The following WNK4 variants were observed in gnomAD, a reference collection of about 807,000 sequenced individuals.
WNK4 encodes the protein WNK lysine deficient protein kinase 4, also known as serine/threonine-protein kinase WNK4.
In WNK4, 94 loss-of-function variants were observed where a neutral mutation model predicts 116.2. The observed-to-expected ratio is 0.81, with a 90% confidence interval of 0.68 to 0.96. WNK4 has a LOEUF of 0.96. WNK4 is among the 40% of genes least tolerant of loss of function. WNK4 has a pLI of 0.00. For synonymous variants in WNK4, 655 were observed against 672.7 expected (o/e 0.97, Z 0.41); for missense variants, 1,542 against 1,650.6 (o/e 0.93, Z 1.14).
Position 42,784,590 on chromosome 17 carries a change from T to C in WNK4, c.1170+11T>C. The C allele has an allele frequency of 6.2e-7, 1 of 1,614,066 alleles. No homozygotes were observed. Among genetic ancestry groups the C allele is most frequent in the Non-Finnish European group, 8.5e-7 (1 of 1,180,018 alleles). On this transcript the variant is annotated intron_variant, in intron 4 of 18. Coordinates refer to ENST00000246914, the MANE Select transcript of WNK4 (RefSeq NM_032387.5). This position sits in a 1 kb window ranked among gnomAD's most constrained non-coding sequence, Gnocchi z 4.4. The stretch of plus-strand genomic sequence containing the variant: ...CGCAAGGTCACTTCGGTGAGAGGGA[T>C]GGGGCTGGCGGGAAAGGCAATTCCA...
At chr17:42,783,688 C>T (rs1351903332) in intron 2 of WNK4, 1 of 578,302 alleles carries the variant, frequency 1.7e-6, no homozygotes, top group South Asian at 2.1e-5. Context: ...CCTTCCTGCG[C>T]TCCCACAGCA....
Position 42,782,612 on chromosome 17 carries a change from G to A in WNK4, c.619-146G>A. 4.3e-6 allele frequency: 4 copies of A among 928,642 alleles called. No individual in the cohort carries two copies. The South Asian group carries it at 5.9e-5, about 14-fold the overall frequency. 57.5% of individuals were successfully genotyped at this position (928,642 alleles called of 1,614,324 possible). On this transcript the variant is annotated intron_variant, in intron 1 of 18. Coordinates refer to ENST00000246914, the MANE Select transcript of WNK4 (RefSeq NM_032387.5). This position sits in a 1 kb window ranked among gnomAD's most constrained non-coding sequence, Gnocchi z 4.2. Reference sequence around the variant, plus strand: ...GGGACTGTTGGAGAGTTCAGGGTCTGCAGCCCACTGGGCAAGTAATCCCAT... The same window carrying A: ...GGGACTGTTGGAGAGTTCAGGGTCTACAGCCCACTGGGCAAGTAATCCCAT...
In WNK4 at chr17:42,782,398, G is replaced by A. The variant is rs61754344; in HGVS notation, c.619-360G>A. Among the ~76,000 whole-genome samples the A allele has an allele frequency of 6.6e-6, 1 of 152,198 alleles. No homozygotes were observed. The highest frequency in any genetic ancestry group is 6.5e-5 in the Admixed American group (1 of 15,280). On this transcript the variant is annotated intron_variant, in intron 1 of 18. Coordinates refer to ENST00000246914, the MANE Select transcript of WNK4 (RefSeq NM_032387.5). The surrounding 1 kb of genome is among the most constrained non-coding windows in gnomAD (Gnocchi z 4.2). ...CCCTGCCCGCAGTATCCTGCTGCCC[G>A]CCTGCTGCCTGCTCACTGCCAGCCC...
chr17:42,795,721 G>A lies in WNK4; in HGVS notation c.3119G>A (p.Gly1040Asp), dbSNP rs915460681. 10 of 1,613,392 alleles carry A rather than the reference G, an allele frequency of 6.2e-6. No individual in the cohort carries two copies. The highest frequency in any genetic ancestry group is 8.5e-6 in the Non-Finnish European group (10 of 1,180,040). Reference protein sequence around the residue: ...PLQPTSPTLSGSPKPSTPQLT... With the variant: ...PLQPTSPTLSDSPKPSTPQLT... ...CAGCCAACATCCCCCACTCTCTCTG[G>A]TTCTCCAAAACCTTCAACCCCTCAG... The change falls in exon 16 of 19, where the codon GGT becomes GAT. Residue 1040 changes from glycine to aspartate, a missense_variant. By Grantham distance (94) the Gly-to-Asp change is moderately conservative (BLOSUM62 -1). Coordinates refer to ENST00000246914, the MANE Select transcript of WNK4 (RefSeq NM_032387.5).
At position 42,796,317 on chromosome 17, in the gene WNK4, G is replaced by A. The variant is rs1476574493; in HGVS notation, c.3626G>A (p.Gly1209Asp). Reference protein sequence around the residue: ...RNSLQRSEPPGPGIMRRNSLS... With the variant: ...RNSLQRSEPPDPGIMRRNSLS... ...AGCCTACAGCGCTCTGAGCCCCCAGGCCCTGGTGAGACTGCAGTCACCCAG... is the reference window on the plus strand; with the variant it reads ...AGCCTACAGCGCTCTGAGCCCCCAGACCCTGGTGAGACTGCAGTCACCCAG... The change falls in exon 17 of 19, where the codon GGC becomes GAC. Residue 1209 changes from glycine to aspartate, a missense_variant. This residue lies in a region of WNK4 where 148 missense variants were observed against 157.2 expected (regional missense o/e 0.94). Coordinates refer to ENST00000246914, the MANE Select transcript of WNK4 (RefSeq NM_032387.5). The A allele has an allele frequency of 6.2e-7, 1 of 1,611,980 alleles. No homozygotes were observed. The highest frequency in any genetic ancestry group is 1.1e-5 in the South Asian group (1 of 90,832).
chr17:42,796,978 T>G lies in WNK4; in HGVS notation c.*290T>G, dbSNP rs2054684562. 3 of 564,550 alleles carry G rather than the reference T, an allele frequency of 5.3e-6. No individual in the cohort carries two copies. Among genetic ancestry groups the G allele is most frequent in the Middle Eastern group, 4.9e-4 (1 of 2,044 alleles). 35.0% of individuals were successfully genotyped at this position (564,550 alleles called of 1,614,324 possible). A position where few individuals can be genotyped will look rare whatever the true frequency, so the allele number is the denominator to read the frequency against. On this transcript the variant is annotated 3_prime_UTR_variant, in exon 19 of 19. Coordinates refer to ENST00000246914, the MANE Select transcript of WNK4 (RefSeq NM_032387.5). The stretch of plus-strand genomic sequence containing the variant: ...GCAATCCCACCCAAGCCTGGATGCT[T>G]CTAGAGGGGCCCACTCCCAGCTGGG...
chr17:42,791,576 T>TTCAAGTA (rs1568031419), intron 11 of WNK4, among the ~76,000 whole-genome samples: 1 of 151,138 alleles, frequency 6.6e-6, no homozygotes, highest in East Asian at 1.9e-4. Context: ...GAGGTGGAGG[T>TTCAAGTA]TGCGGTGAGC....
intron 8 of WNK4, 83 bp downstream of exon 8, chr17:42,787,982 C>T: frequency 1.3e-6 from 2 of 1,599,138 alleles, no homozygotes; most frequent in Admixed American, 1.7e-5. Context: ...ATCTCATGAT[C>T]CAGTCCCATG....
At position 42,784,199 on chromosome 17, in the gene WNK4, C is replaced by T. The variant is rs1321488813; in HGVS notation, c.1012+42C>T. 5 of 1,600,962 alleles carry T rather than the reference C, an allele frequency of 3.1e-6. No homozygotes were observed. The African/African-American group carries it at 5.3e-5, about 17-fold the overall frequency. On this transcript the variant is annotated intron_variant, in intron 3 of 18. Coordinates refer to ENST00000246914, the MANE Select transcript of WNK4 (RefSeq NM_032387.5). This position sits in a 1 kb window ranked among gnomAD's most constrained non-coding sequence, Gnocchi z 4.4. ...GGGTCCATGCCATTCCTTCCTCCCC[C>T]ACCTCAGAAGAGAACCTGGGGACTC...
chr17:42,780,813 C>G lies in WNK4; in HGVS notation c.115C>G (p.Pro39Ala), dbSNP rs1193267773. 2 of 1,602,120 alleles carry G rather than the reference C, an allele frequency of 1.2e-6. No individual in the cohort carries two copies. Among genetic ancestry groups the G allele is most frequent in the African/African-American group, 2.7e-5 (2 of 74,898 alleles). ...GTAGQPRLGP[P>A]PRRARRFSGK... Reference sequence around the variant, plus strand: ...CGCGGGGCAGCCCCGCCTCGGGCCCCCTCCTCGCCGAGCGCGCCGCTTCTC... The same window carrying G: ...CGCGGGGCAGCCCCGCCTCGGGCCCGCTCCTCGCCGAGCGCGCCGCTTCTC... Residue 39 changes from proline (P) to alanine (A), a missense_variant, in exon 1 of 19, where the codon CCT (proline) becomes GCT (alanine). Physicochemically the swap from Pro to Ala is conservative, Grantham distance 27. Transcript: ENST00000246914.
chr17:42,794,373 C>T (rs1162811816), intron 12 of WNK4: 1 of 573,314 alleles, frequency 1.7e-6, no homozygotes, highest in Non-Finnish European at 3.1e-6. Context: ...ATCATTGTCT[C>T]TTCCTCTCCC....
In WNK4 at chr17:42,785,329, A is replaced by T. The variant is rs387907562; in HGVS notation, c.1323A>T (p.Glu441Asp). The T allele has an allele frequency of 6.6e-5, 106 of 1,612,208 alleles. 1 individual carries two copies. The highest frequency in any genetic ancestry group is 2.3e-4 in the South Asian group (21 of 90,742). Residue 441 changes from glutamate to aspartate, a missense_variant, in exon 6 of 19, where the codon GAA (glutamate) becomes GAT (aspartate). Around this residue, in one of 7 missense-constraint regions of WNK4, gnomAD observed 808 missense variants for 873.6 expected, o/e 0.92. Transcript: ENST00000246914. ...GCGAGGAGCGCGGTGTGCACGTGGAACTAGCGGAGGAGGACGACGGCGAGA... is the reference window on the plus strand; with the variant it reads ...GCGAGGAGCGCGGTGTGCACGTGGATCTAGCGGAGGAGGACGACGGCGAGA... ...FFREERGVHVELAEEDDGEKP... is the reference protein window; with the variant it reads ...FFREERGVHVDLAEEDDGEKP...
intron 2 of WNK4, chr17:42,783,597 G>A: frequency 5.2e-6 from 2 of 383,512 alleles, no homozygotes; most frequent in Non-Finnish European, 9.8e-6. Context: ...TCACCTTTGA[G>A]CTCCTACTCA....
intron 5 of WNK4, 36 bp downstream of exon 5, chr17:42,785,221 G>A: frequency 6.2e-7 from 1 of 1,608,752 alleles, no homozygotes; most frequent in Non-Finnish European, 8.5e-7. Context: ...GTAGAATAGG[G>A]CCGCGGGCCG....
chr17:42,784,047 G>A lies in WNK4; in HGVS notation c.902G>A (p.Arg301Gln). The change falls in exon 3 of 19, where the codon CGG becomes CAG. Residue 301 changes from arginine to glutamine, a missense_variant. Coordinates refer to ENST00000246914, the MANE Select transcript of WNK4 (RefSeq NM_032387.5). This position sits in a 1 kb window ranked among gnomAD's most constrained non-coding sequence, Gnocchi z 4.4. ...LHSRVPPILH[R>Q]DLKCDNVFIT... The stretch of plus-strand genomic sequence containing the variant: ...TCCCGGGTTCCTCCCATCCTGCACC[G>A]GGATCTCAAGTGCGACAATGTCTTT... 10 of 1,613,862 alleles carry A rather than the reference G, an allele frequency of 6.2e-6. No individual in the cohort carries two copies. Among genetic ancestry groups the A allele is most frequent in the South Asian group, 2.2e-5 (2 of 91,080 alleles).
chr17:42,789,970 C>T (rs2054592696), intron 11 of WNK4, among the ~76,000 whole-genome samples: 1 of 151,996 alleles, frequency 6.6e-6, no homozygotes, highest in Non-Finnish European at 1.5e-5. Context: ...CACGCCACTG[C>T]ACTCCAGCCT....
In WNK4 at chr17:42,794,790, C is replaced by T. The variant is rs56227191; in HGVS notation, c.2369C>T (p.Thr790Ile). 3 of 1,614,048 alleles carry T rather than the reference C, an allele frequency of 1.9e-6. No homozygotes were observed. Among genetic ancestry groups the T allele is most frequent in the South Asian group, 1.1e-5 (1 of 91,078 alleles). ...TTCCCAGAAGAGCTCCAGAGCAGCA[C>T]CTCCCTGGAGCACAGGAGCTGGACA... ...DPSNEELQSS[T>I]SLEHRSWTAF... The change falls in exon 14 of 19, where the codon ACC (threonine) becomes ATC (isoleucine). Residue 790 changes from threonine (T) to isoleucine (I), a missense_variant. Around this residue, in one of 7 missense-constraint regions of WNK4, gnomAD observed 808 missense variants for 873.6 expected, o/e 0.92. Coordinates refer to ENST00000246914, the MANE Select transcript of WNK4 (RefSeq NM_032387.5).
In WNK4 at chr17:42,796,586, C is replaced by T. The variant is rs767213008; in HGVS notation, c.3729+8C>T. 1.5e-5 allele frequency: 24 copies of T among 1,614,062 alleles called. No homozygotes were observed. The Admixed American group carries it at 1.5e-4, about 10-fold the overall frequency. On this transcript the variant is annotated splice_region_variant and intron_variant, in intron 18 of 18. Coordinates refer to ENST00000246914, the MANE Select transcript of WNK4 (RefSeq NM_032387.5). ...GGGGATGTTGGCAGGATGGTGAGGG[C>T]GGGCCCAAGGGAGGGAGAGCCCAGG...
chr17:42,784,584 G>C lies in WNK4; in HGVS notation c.1170+5G>C. 3 of 1,614,138 alleles carry C rather than the reference G, an allele frequency of 1.9e-6. No individual in the cohort carries two copies. The highest frequency in any genetic ancestry group is 2.5e-6 in the Non-Finnish European group (3 of 1,180,032). The stretch of plus-strand genomic sequence containing the variant: ...ATCTACCGCAAGGTCACTTCGGTGA[G>C]AGGGATGGGGCTGGCGGGAAAGGCA... On this transcript the variant is annotated splice_donor_5th_base_variant and intron_variant, in intron 4 of 18. Coordinates refer to ENST00000246914, the MANE Select transcript of WNK4 (RefSeq NM_032387.5). The surrounding 1 kb of genome is among the most constrained non-coding windows in gnomAD (Gnocchi z 4.4).
Sources: allele counts gnomAD v4.1 joint callset (sites outside exome capture counted in the v4.1 genomes callset), GRCh38; gene constraint gnomAD v4.1.1; regional missense constraint gnomAD v4.1.1; non-coding constraint Gnocchi (gnomAD v3.1); transcripts MANE v1.5; gene names NCBI Gene and HGNC (gene_info 2026-07-23, HGNC 2026-07-21).